The following MBD5 variants were observed in gnomAD, a reference collection of about 807,000 sequenced individuals.
The protein encoded by MBD5 is methyl-CpG-binding domain protein 5.
A neutral mutation model predicts 117.3 loss-of-function variants in MBD5; 13 were observed. The observed-to-expected ratio is 0.11, with a 90% confidence interval of 0.07 to 0.18. The LOEUF is 0.18. Ranked by LOEUF, MBD5 falls within the 10% of genes least tolerant of loss-of-function variation. The pLI, the probability that MBD5 is intolerant of heterozygous loss-of-function variation, is 1.00. For missense variants in MBD5, 1,879 were observed against 2,093.8 expected (o/e 0.90, Z 2.00); for synonymous variants, 727 against 766.4 (o/e 0.95, Z 0.85).
At chr2:148,135,090 T>C (rs1697141233) in intron 1 of MBD5, among the ~76,000 whole-genome samples, 1 of 152,250 alleles carries the variant, frequency 6.6e-6, no homozygotes, top group Non-Finnish European at 1.5e-5. Context: ...GTTTCAGGTA[T>C]TGAAGATGCA....
chr2:148,040,752 G>T (rs544588844), intron 1 of MBD5, among the ~76,000 whole-genome samples: 1 of 151,920 alleles, frequency 6.6e-6, no homozygotes, highest in Non-Finnish European at 1.5e-5. Context: ...TTGTTTTTGC[G>T]TGCGTTTTTC....
At chr2:148,029,851 T>G (rs572152851) in intron 1 of MBD5, among the ~76,000 whole-genome samples, 6 of 152,334 alleles carry the variant, frequency 3.9e-5, no homozygotes, top group Middle Eastern at 3.4e-3. Flanking sequence ...CATCCAAGTT[T>G]ATAAGAGGTA....
At chr2:148,442,126 A>T (rs1160441594) in intron 4 of MBD5, among the ~76,000 whole-genome samples, 1 of 151,330 alleles carries the variant, frequency 6.6e-6, no homozygotes, top group Non-Finnish European at 1.5e-5. Flanking sequence ...CCCATTTGTC[A>T]ATTTTGGCTT....
intron 1 of MBD5, among the ~76,000 whole-genome samples, chr2:148,074,495 G>GTTTTTTTTTTGTTTT (rs1167128867): frequency 9.1e-6 from 1 of 109,830 alleles, no homozygotes; most frequent in Non-Finnish European, 1.9e-5. Flanking sequence ...TTTTTTTTTT[G>GTTTTTTTTTTGTTTT]TTTTTTTTTT....
chr2:148,243,675 A>G (rs1700269553), intron 3 of MBD5: 1 of 152,060 alleles, frequency 6.6e-6, no homozygotes, highest in South Asian at 2.1e-4. Flanking sequence ...TTACCCAAGG[A>G]AAATTAGTTC....
chr2:148,502,418 C>T lies in MBD5; in HGVS notation c.4963-18C>T. The T allele has an allele frequency of 1.2e-6, 2 of 1,613,148 alleles. No homozygotes were observed. The highest frequency in any genetic ancestry group is 1.7e-6 in the Non-Finnish European group (2 of 1,179,254). ...ACAGGTCTGGGTAATGTGGTTTGGT[C>T]TTCATACCTTCACTCAGGTGGAGCC... On this transcript the variant is annotated intron_variant, in intron 11 of 13. Transcript: ENST00000642680.
At position 148,468,497 on chromosome 2, in the gene MBD5, A is replaced by G; in HGVS notation, c.554A>G (p.Glu185Gly). The change falls in exon 8 of 14, where the codon GAA (glutamate) becomes GGA (glycine). Residue 185 changes from glutamate to glycine, a missense_variant. Physicochemically the swap from Glu to Gly is moderately conservative, Grantham distance 98. Coordinates refer to ENST00000642680, the MANE Select transcript of MBD5 (RefSeq NM_001378120.1). The stretch of plus-strand genomic sequence containing the variant: ...GCCATGGGAAGGCTATATGTACAAG[A>G]ACTGCCTGGAAGCCAACAACAAGAA... ...SNAMGRLYVQ[E>G]LPGSQQQELH... 1 of 1,613,884 alleles carries G rather than the reference A, an allele frequency of 6.2e-7. No homozygotes were observed. The highest frequency in any genetic ancestry group is 1.3e-5 in the African/African-American group (1 of 75,006).
intron 1 of MBD5, among the ~76,000 whole-genome samples, chr2:148,058,747 T>C (rs1694943549): frequency 6.6e-6 from 1 of 152,186 alleles, no homozygotes; most frequent in Admixed American, 6.5e-5. Flanking sequence ...TTTTATTATT[T>C]AATTCTGTCT....
At chr2:148,463,644 G>T in intron 6 of MBD5, 95 bp from the exon 7 acceptor site, 1 of 1,417,998 alleles carries the variant, frequency 7.1e-7, no homozygotes, top group Non-Finnish European at 9.9e-7. Context: ...CAGATTTATG[G>T]CTTAATCTAT....
At chr2:148,076,314 A>G (rs1335412201) in intron 1 of MBD5, among the ~76,000 whole-genome samples, 1 of 152,194 alleles carries the variant, frequency 6.6e-6, no homozygotes, top group Non-Finnish European at 1.5e-5. Context: ...TTGGTAGTAT[A>G]TCAGTCAAGA....
At chr2:148,457,508 A>G (rs1363284517) in intron 4 of MBD5, among the ~76,000 whole-genome samples, 1 of 152,130 alleles carries the variant, frequency 6.6e-6, no homozygotes, top group Non-Finnish European at 1.5e-5. Flanking sequence ...TTTTATAAGC[A>G]TTCCACACTA....
In MBD5 at chr2:148,395,885, G is replaced by A. The variant is rs559328771; in HGVS notation, c.-557+53549G>A. Among the ~76,000 whole-genome samples the A allele has an allele frequency of 1.1e-4, 16 of 152,200 alleles. 1 individual carries two copies. In the South Asian group the frequency reaches 3.1e-3, roughly 30 times the overall value. The stretch of plus-strand genomic sequence containing the variant: ...TATTTCCACCTCATGATGTGAACAG[G>A]CTCCGGCAATCTCTAATAGCCCTCC... On this transcript the variant is annotated intron_variant, in intron 4 of 13. Transcript: ENST00000642680.
chr2:148,087,168 A>G (rs1469045405), intron 1 of MBD5, among the ~76,000 whole-genome samples: 1 of 152,122 alleles, frequency 6.6e-6, no homozygotes, highest in Non-Finnish European at 1.5e-5. Context: ...GAAATCACCA[A>G]TCCTTTGAAA....
At chr2:148,476,478 T>G (rs1027599044) in intron 8 of MBD5, among the ~76,000 whole-genome samples, 1 of 152,206 alleles carries the variant, frequency 6.6e-6, no homozygotes, top group Non-Finnish European at 1.5e-5. Context: ...CAGCCATGAC[T>G]CACTGAAATG....
chr2:148,416,912 C>T (rs1705436558), intron 4 of MBD5, among the ~76,000 whole-genome samples: 1 of 152,124 alleles, frequency 6.6e-6, no homozygotes, highest in South Asian at 2.1e-4. Flanking sequence ...AGAATAATCA[C>T]CTCCAGTTCC....
intron 2 of MBD5, among the ~76,000 whole-genome samples, chr2:148,202,442 A>C (rs1699168712): frequency 6.6e-6 from 1 of 152,156 alleles, no homozygotes; most frequent in South Asian, 2.1e-4. Context: ...TTGATTCAGC[A>C]AAAACAATTG....
At chr2:148,219,120 C>T (rs1699623608) in intron 2 of MBD5, among the ~76,000 whole-genome samples, 1 of 152,092 alleles carries the variant, frequency 6.6e-6, no homozygotes, top group Admixed American at 6.6e-5. Context: ...TTCTATTTAT[C>T]CTTATCCTAT....
intron 3 of MBD5, among the ~76,000 whole-genome samples, chr2:148,269,168 T>TGAA (rs1361917024): frequency 6.6e-6 from 1 of 152,068 alleles, no homozygotes; most frequent in Admixed American, 6.5e-5. Context: ...TTGTTGTAGT[T>TGAA]GTTCAAGTCT....
At chr2:148,457,428 A>T (rs915676250) in intron 4 of MBD5, among the ~76,000 whole-genome samples, 6 of 152,162 alleles carry the variant, frequency 3.9e-5, no homozygotes, top group African/African-American at 1.4e-4. Flanking sequence ...ATTCCCCACA[A>T]GATTGGATAC....
Sources: gnomAD v4.1 joint callset for allele counts (sites outside exome capture counted in the v4.1 genomes callset) on GRCh38, gnomAD v4.1.1 for gene constraint, MANE v1.5 for transcripts, NCBI Gene and HGNC (gene_info 2026-07-23, HGNC 2026-07-21) for gene names.